Variants in ZBTB20 observed in about 807,000 individuals in gnomAD.
ZBTB20 encodes zinc finger and BTB domain containing 20, also known as zinc finger and BTB domain-containing protein 20.
A neutral mutation model predicts 56.9 loss-of-function variants in ZBTB20; 9 were observed. The ratio of observed to expected loss-of-function variants is 0.16; its 90% CI spans 0.10 to 0.28. The LOEUF (loss-of-function observed/expected upper bound fraction) is 0.28, where lower values mean the gene tolerates loss of function less well. Among genes scored for constraint, ZBTB20 ranks in the 10% least tolerant of loss-of-function variants. The probability of loss-of-function intolerance (pLI) is 1.00; values close to 1 mark genes in which losing one functional copy is unlikely to be tolerated. For synonymous variants in ZBTB20, 417 were observed against 420.7 expected (o/e 0.99, Z 0.11); for missense variants, 655 against 1,003.0 (o/e 0.65, Z 4.69).
Position 114,331,615 on chromosome 3 carries a change from C to T in ZBTB20, c.*7390G>A, listed in dbSNP as rs1266520424. ...ACACATGTCAATAAATCCAATAGAA[C>T]TGTAGAGTTTGTTAAATGCACTCTA... On this transcript the variant is annotated 3_prime_UTR_variant, in exon 12 of 12. Coordinates refer to ENST00000675478, the MANE Select transcript of ZBTB20 (RefSeq NM_001348800.3). 1 of 152,206 alleles carries T rather than the reference C, an allele frequency of 6.6e-6. No homozygotes were observed. The highest frequency in any genetic ancestry group is 1.9e-4 in the East Asian group (1 of 5,186). 9.4% of individuals were successfully genotyped at this position (152,206 alleles called of 1,614,324 possible).
intron 6 of ZBTB20, among the ~76,000 whole-genome samples, chr3:114,565,581 G>C (rs1472879761): frequency 2.0e-5 from 3 of 152,112 alleles, no homozygotes; most frequent in Admixed American, 2.0e-4. Context: ...TACGTTTAGG[G>C]TGCTTTGATG....
At chr3:114,803,776 T>C (rs1204977844) in intron 4 of ZBTB20, among the ~76,000 whole-genome samples, 1 of 48,224 alleles carries the variant, frequency 2.1e-5, no homozygotes, top group Non-Finnish European at 5.6e-5. Context: ...TTTTCAACTT[T>C]CTGTTTTTTT....
At chr3:114,799,911 T>C (rs1427979461) in intron 5 of ZBTB20, among the ~76,000 whole-genome samples, 1 of 151,922 alleles carries the variant, frequency 6.6e-6, no homozygotes, top group Admixed American at 6.6e-5. Context: ...TCCAGAACTG[T>C]CTACTGTCAA....
intron 5 of ZBTB20, among the ~76,000 whole-genome samples, chr3:114,719,191 AG>A (rs200154843): frequency 1.6e-4 from 14 of 87,420 alleles, no homozygotes; most frequent in African/African-American, 3.5e-4. Flanking sequence ...GGGGTTGTGC[AG>A]GGGGGGGAAA....
intron 6 of ZBTB20, among the ~76,000 whole-genome samples, chr3:114,615,739 T>C (rs2057891303): frequency 6.6e-6 from 1 of 152,190 alleles, no homozygotes; most frequent in African/African-American, 2.4e-5. Context: ...TCTGGAGTGA[T>C]TGAGTATTTA....
intron 6 of ZBTB20, among the ~76,000 whole-genome samples, chr3:114,636,367 C>G (rs1348434818): frequency 1.3e-5 from 2 of 151,958 alleles, no homozygotes; most frequent in African/African-American, 4.8e-5. Flanking sequence ...CCAATAAAGT[C>G]AAGTATATAG....
intron 7 of ZBTB20, among the ~76,000 whole-genome samples, chr3:114,425,652 T>C (rs975125003): frequency 1.3e-5 from 2 of 152,198 alleles, no homozygotes; most frequent in African/African-American, 4.8e-5. Context: ...TTTCTTCTTA[T>C]ACTCATGCAT....
At chr3:114,363,705 A>G (rs1344124822) in intron 10 of ZBTB20, among the ~76,000 whole-genome samples, 1 of 152,184 alleles carries the variant, frequency 6.6e-6, no homozygotes, top group Non-Finnish European at 1.5e-5. Flanking sequence ...TAGTATTCTA[A>G]TTGAGGCTGA....
chr3:114,967,497 C>A (rs1277985512), intron 3 of ZBTB20, among the ~76,000 whole-genome samples: 1 of 152,136 alleles, frequency 6.6e-6, no homozygotes, highest in Non-Finnish European at 1.5e-5. Context: ...TTACATTCTC[C>A]CACACCATGC....
chr3:114,679,735 C>T (rs1424908012), intron 6 of ZBTB20, among the ~76,000 whole-genome samples: 1 of 152,134 alleles, frequency 6.6e-6, no homozygotes, highest in African/African-American at 2.4e-5. Flanking sequence ...GGTGATTCCT[C>T]AAGGATCTAG....
intron 5 of ZBTB20, among the ~76,000 whole-genome samples, chr3:114,729,862 G>A (rs992655735): frequency 3.0e-4 from 46 of 151,548 alleles, no homozygotes; most frequent in Admixed American, 1.3e-4. Flanking sequence ...GGAGTGCGGT[G>A]GCATGACCAT....
chr3:114,535,537 T>A (rs577802239), intron 6 of ZBTB20, among the ~76,000 whole-genome samples: 2 of 152,274 alleles, frequency 1.3e-5, no homozygotes, highest in East Asian at 3.9e-4. Flanking sequence ...ACCAGACGAA[T>A]TCACAGCTGA....
chr3:114,558,723 C>T (rs74376075), intron 6 of ZBTB20, among the ~76,000 whole-genome samples: 30 of 152,244 alleles, frequency 2.0e-4, no homozygotes, highest in Non-Finnish European at 4.0e-4. Context: ...ACAAAAATCA[C>T]CAATGGCTGC....
At chr3:114,347,450 T>C (rs553507181) in intron 11 of ZBTB20, among the ~76,000 whole-genome samples, 1 of 152,368 alleles carries the variant, frequency 6.6e-6, no homozygotes, top group East Asian at 1.9e-4. Context: ...CCGTGCTTTC[T>C]AGAATCTTTT....
At chr3:114,465,075 TAAAA>T (rs11335761) in intron 7 of ZBTB20, among the ~76,000 whole-genome samples, 1 of 144,618 alleles carries the variant, frequency 6.9e-6, no homozygotes, top group Non-Finnish European at 1.5e-5. Context: ...TTCTTGTACT[TAAAA>T]AAAAAAAAGC....
chr3:115,112,866 C>T (rs777348745), intron 1 of ZBTB20, among the ~76,000 whole-genome samples: 2 of 152,062 alleles, frequency 1.3e-5, no homozygotes, highest in Non-Finnish European at 2.9e-5. Context: ...TGAAAAATGT[C>T]CATACTGTTT....
At chr3:115,102,280 C>T (rs1167968453) in intron 1 of ZBTB20, among the ~76,000 whole-genome samples, 3 of 152,142 alleles carry the variant, frequency 2.0e-5, no homozygotes, top group Non-Finnish European at 2.9e-5. Flanking sequence ...CTTCAGGTCA[C>T]TTGTCTGTAG....
rs1182729974 is a variant in ZBTB20, at chr3:114,325,424, C to T, written c.*13581G>A. On this transcript the variant is annotated 3_prime_UTR_variant, in exon 12 of 12. Coordinates refer to ENST00000675478, the MANE Select transcript of ZBTB20 (RefSeq NM_001348800.3). The stretch of plus-strand genomic sequence containing the variant: ...CAAATTTGAACTATTATTTTATTTT[C>T]AGTGATCTCTCTGTACACTCCTCTC... 3.3e-5 allele frequency: 5 copies of T among 152,154 alleles called. No homozygotes were observed. The highest frequency in any genetic ancestry group is 3.3e-4 in the Admixed American group (5 of 15,260). The allele number at this position is 152,154 out of a possible 1,614,324, so 9.4% of individuals were successfully genotyped here. A position where few individuals can be genotyped will look rare whatever the true frequency, so the allele number is the denominator to read the frequency against.
At chr3:114,812,887 G>A (rs1560279504) in intron 4 of ZBTB20, among the ~76,000 whole-genome samples, 2 of 151,310 alleles carry the variant, frequency 1.3e-5, no homozygotes, top group African/African-American at 2.4e-5. Context: ...CACAGCAGCT[G>A]CTGGCCCAGG....
Sources: allele counts gnomAD v4.1 joint callset (sites outside exome capture counted in the v4.1 genomes callset), GRCh38; gene constraint gnomAD v4.1.1; transcripts MANE v1.5; gene names NCBI Gene and HGNC (gene_info 2026-07-23, HGNC 2026-07-21).